The following LRIG1 variants were observed in gnomAD, a reference collection of about 807,000 sequenced individuals.
The protein encoded by LRIG1 is leucine-rich repeats and immunoglobulin-like domains protein 1.
Under a neutral mutation model 99.2 loss-of-function variants are expected in LRIG1, and 48 were observed. The ratio of observed to expected loss-of-function variants is 0.48; its 90% CI spans 0.38 to 0.62. The LOEUF is 0.62. Among genes scored for constraint, LRIG1 ranks in the 20% least tolerant of loss-of-function variants. LRIG1 has a pLI of 0.00. For synonymous variants in LRIG1, 772 were observed against 596.1 expected (o/e 1.29, Z -4.30); for missense variants, 1,646 against 1,434.4 (o/e 1.15, Z -2.38).
At chr3:66,441,629 T>A (rs897530927) in intron 3 of LRIG1, among the ~76,000 whole-genome samples, 1 of 152,214 alleles carries the variant, frequency 6.6e-6, no homozygotes, top group Non-Finnish European at 1.5e-5. Flanking sequence ...CTTTGGGAGA[T>A]GCATGCTGCA....
chr3:66,385,727 C>T (rs1046380194), intron 13 of LRIG1, among the ~76,000 whole-genome samples: 1 of 152,216 alleles, frequency 6.6e-6, no homozygotes, highest in African/African-American at 2.4e-5. Flanking sequence ...GCTGGGATTA[C>T]AGGCATGAGC....
chr3:66,384,116 TGCATGCGTC>T lies in LRIG1; in HGVS notation c.1937_1945del (p.Arg646_Met648del). 1 of 1,614,214 alleles carries T rather than the reference TGCATGCGTC, an allele frequency of 6.2e-7. No homozygotes were observed. The highest frequency in any genetic ancestry group is 8.5e-7 in the Non-Finnish European group (1 of 1,180,034). ...AAACACGTCGTCATCCGGCATGACA[TGCATGCGTC>T]GCTCACGGGCAGCGGGGAAATCCGT... On this transcript the variant is annotated inframe_deletion, in exon 14 of 19. Coordinates refer to ENST00000273261, the MANE Select transcript of LRIG1 (RefSeq NM_015541.3).
chr3:66,463,423 G>A (rs981938768), intron 1 of LRIG1, among the ~76,000 whole-genome samples: 4 of 152,172 alleles, frequency 2.6e-5, no homozygotes, highest in African/African-American at 9.7e-5. Context: ...AGATGATGGC[G>A]TCTGTGTCAA....
At chr3:66,433,169 T>C (rs947682526) in intron 3 of LRIG1, among the ~76,000 whole-genome samples, 12 of 152,202 alleles carry the variant, frequency 7.9e-5, no homozygotes, top group Admixed American at 5.2e-4. Flanking sequence ...TGTTCGCTCA[T>C]TGCTTACCAC....
chr3:66,384,933 G>C (rs550432794), intron 13 of LRIG1, among the ~76,000 whole-genome samples: 18 of 152,158 alleles, frequency 1.2e-4, no homozygotes, highest in African/African-American at 3.6e-4. Flanking sequence ...TGAGTCTTTC[G>C]GAAGCTGTGA....
At chr3:66,402,171 G>A (rs939174917) in intron 9 of LRIG1, among the ~76,000 whole-genome samples, 2 of 152,180 alleles carry the variant, frequency 1.3e-5, no homozygotes, top group Non-Finnish European at 2.9e-5. Context: ...GCAGGAAGTC[G>A]CATACCCAGG....
chr3:66,386,173 C>T lies in LRIG1; in HGVS notation c.1597G>A (p.Asp533Asn). ...SSPMTFAWKK[D>N]NEVLTNADME... ...TCTGCATTGGTCAGGACTTCATTGT[C>T]TTTCTTCCAGGCAAAGGTCATGGGG... The change falls in exon 13 of 19, where the codon GAC becomes AAC. Residue 533 changes from aspartate to asparagine, a missense_variant. By Grantham distance (23) the Asp-to-Asn change is conservative (BLOSUM62 1). Transcript: ENST00000273261. The T allele has an allele frequency of 6.2e-7, 1 of 1,614,148 alleles. No homozygotes were observed. Among genetic ancestry groups the T allele is most frequent in the African/African-American group, 1.3e-5 (1 of 75,020 alleles).
intron 12 of LRIG1, among the ~76,000 whole-genome samples, chr3:66,391,442 T>C (rs1170304361): frequency 6.6e-6 from 1 of 152,168 alleles, no homozygotes; most frequent in South Asian, 2.1e-4. Context: ...TGTAAACCCA[T>C]TTATTCAGCC....
intron 14 of LRIG1, 81 bp downstream of exon 14, chr3:66,383,910 C>T: frequency 1.3e-6 from 2 of 1,541,184 alleles, no homozygotes; most frequent in Non-Finnish European, 1.8e-6. Flanking sequence ...CATACCACCC[C>T]TGGCCACACA....
At chr3:66,382,507 C>G in intron 15 of LRIG1, 109 bp from the exon 16 acceptor site, 1 of 1,285,456 alleles carries the variant, frequency 7.8e-7, no homozygotes, top group South Asian at 1.3e-5. Context: ...CGACCATCAG[C>G]GCTGTGCAGA....
intron 3 of LRIG1, among the ~76,000 whole-genome samples, chr3:66,448,737 C>G: frequency 6.6e-6 from 1 of 152,138 alleles, no homozygotes; most frequent in South Asian, 2.1e-4. Flanking sequence ...GACATTTGCT[C>G]TATTCTCTCT....
chr3:66,441,056 C>T (rs1042052503), intron 3 of LRIG1, among the ~76,000 whole-genome samples: 6 of 152,164 alleles, frequency 3.9e-5, no homozygotes, highest in African/African-American at 9.7e-5. Flanking sequence ...ACTAACGTCA[C>T]AGCAGCTGTC....
rs200803242 is a variant in LRIG1, at chr3:66,417,196, G to C, written c.436C>G (p.Leu146Val). ...KAYLSLEVLD[L>V]SLNNITEVRN... ...ACTTCCGTGATGTTGTTCAAACTCA[G>C]ATCTAACACTTCTAAGGAAAGGTAG... The change falls in exon 4 of 19, where the codon CTG becomes GTG. Residue 146 changes from leucine to valine, a missense_variant. Leu to Val is a conservative substitution (Grantham distance 32). Coordinates refer to ENST00000273261, the MANE Select transcript of LRIG1 (RefSeq NM_015541.3). 6.2e-7 allele frequency: 1 copy of C among 1,614,196 alleles called. No homozygotes were observed. The highest frequency in any genetic ancestry group is 8.5e-7 in the Non-Finnish European group (1 of 1,180,032).
intron 3 of LRIG1, among the ~76,000 whole-genome samples, chr3:66,443,971 A>G (rs566129859): frequency 2.0e-5 from 3 of 152,288 alleles, no homozygotes; most frequent in East Asian, 3.9e-4. Context: ...AGGGTGGGGG[A>G]AAAAATGCCC....
At chr3:66,450,431 G>A (rs1027852884) in intron 3 of LRIG1, among the ~76,000 whole-genome samples, 2 of 152,102 alleles carry the variant, frequency 1.3e-5, no homozygotes, top group African/African-American at 4.8e-5. Context: ...TGAGGGAAAC[G>A]AGGTTCAGAG....
At chr3:66,456,106 T>A (rs556022726) in intron 2 of LRIG1, among the ~76,000 whole-genome samples, 2 of 152,338 alleles carry the variant, frequency 1.3e-5, no homozygotes, top group South Asian at 4.1e-4. Flanking sequence ...TTCACTCAAC[T>A]CCAATTGCAC....
rs372603698 is a variant in LRIG1, at chr3:66,405,237, G to A, written c.1121C>T (p.Thr374Met). The A allele has an allele frequency of 2.5e-5, 40 of 1,614,056 alleles. No homozygotes were observed. The highest frequency in any genetic ancestry group is 2.3e-4 in the African/African-American group (17 of 74,946). Residue 374 changes from threonine (T) to methionine (M), a missense_variant, in exon 9 of 19, where the codon ACG (threonine) becomes ATG (methionine). Transcript: ENST00000273261. ...GTCGAGCCCTGAGAAGGCGCCGCTC[G>A]TGTCCTCTATTGTGCCCGAAATCTC... is the stretch of plus-strand genomic sequence containing the variant. ...HNEISGTIED[T>M]SGAFSGLDSL...
At chr3:66,490,043 G>C (rs887166303) in intron 1 of LRIG1, among the ~76,000 whole-genome samples, 1 of 152,152 alleles carries the variant, frequency 6.6e-6, no homozygotes, top group Non-Finnish European at 1.5e-5. Context: ...GTAATGAAAT[G>C]AATATAATTT....
At chr3:66,433,294 C>A (rs1055375127) in intron 3 of LRIG1, among the ~76,000 whole-genome samples, 1 of 152,246 alleles carries the variant, frequency 6.6e-6, no homozygotes, top group Non-Finnish European at 1.5e-5. Context: ...GGCTGTGCCG[C>A]TCTCTGGAGT....
Sources: gnomAD v4.1 joint callset for allele counts (sites outside exome capture counted in the v4.1 genomes callset) on GRCh38, gnomAD v4.1.1 for gene constraint, MANE v1.5 for transcripts, NCBI Gene and HGNC (gene_info 2026-07-23, HGNC 2026-07-21) for gene names.